Variants in CNTNAP5 observed in about 807,000 individuals in gnomAD.
CNTNAP5 encodes contactin associated protein family member 5.
A neutral mutation model predicts 150.2 loss-of-function variants in CNTNAP5; 72 were observed. The observed-to-expected ratio is 0.48, with a 90% CI of 0.40 to 0.58. CNTNAP5 has a LOEUF of 0.58. Ranked by LOEUF, CNTNAP5 falls within the 20% of genes least tolerant of loss-of-function variation. The probability of loss-of-function intolerance (pLI) is 0.00; values close to 1 mark genes in which losing one functional copy is unlikely to be tolerated. For synonymous variants in CNTNAP5, 672 were observed against 619.8 expected (o/e 1.08, Z -1.25); for missense variants, 1,636 against 1,626.2 (o/e 1.01, Z -0.10).
rs572790352 is a variant in CNTNAP5 at position 124,333,857 on chromosome 2, G to C, written c.382-83586G>C. On this transcript the variant is annotated intron_variant, in intron 3 of 23. Coordinates refer to ENST00000682447, the MANE Select transcript of CNTNAP5 (RefSeq NM_001367498.1). ...AAAATTAAGGACCTAAGCATGCAAA[G>C]AAACAAAACAAATCTGAATTTGCCC... Among the ~76,000 whole-genome samples the C allele has an allele frequency of 2.1e-3, 326 of 152,228 alleles. 1 individual carries two copies. Among genetic ancestry groups the C allele is most frequent in the African/African-American group, 7.6e-3 (315 of 41,540 alleles).
chr2:124,187,330 G>A (rs973634057), intron 1 of CNTNAP5, among the ~76,000 whole-genome samples: 1 of 152,180 alleles, frequency 6.6e-6, no homozygotes, highest in Non-Finnish European at 1.5e-5. Flanking sequence ...AACTATTTAA[G>A]AACTCTCAAC....
intron 8 of CNTNAP5, among the ~76,000 whole-genome samples, chr2:124,504,770 G>A (rs1309072768): frequency 2.8e-5 from 4 of 142,708 alleles, no homozygotes; most frequent in South Asian, 2.2e-4. Context: ...GCAGTGGCTC[G>A]ATCTCAGCTC....
At chr2:124,767,921 T>G (rs550862018) in intron 16 of CNTNAP5, among the ~76,000 whole-genome samples, 1 of 152,344 alleles carries the variant, frequency 6.6e-6, no homozygotes, top group African/African-American at 2.4e-5. Flanking sequence ...GAAGAATCCC[T>G]GCTTTCCAGC....
intron 21 of CNTNAP5, among the ~76,000 whole-genome samples, chr2:124,871,526 C>T (rs113915080): frequency 1.2e-3 from 178 of 152,146 alleles, no homozygotes; most frequent in African/African-American, 4.3e-3. Flanking sequence ...AGGGTTTACA[C>T]TGTGGATATC....
chr2:124,565,183 A>AACTAGTCC (rs1695989136), intron 11 of CNTNAP5, among the ~76,000 whole-genome samples: 1 of 152,250 alleles, frequency 6.6e-6, no homozygotes, highest in Non-Finnish European at 1.5e-5. Flanking sequence ...TTTAGAGAAG[A>AACTAGTCC]ACTAGTCCAC....
chr2:124,338,673 G>T (rs150082962), intron 3 of CNTNAP5, among the ~76,000 whole-genome samples: 1 of 152,198 alleles, frequency 6.6e-6, no homozygotes, highest in African/African-American at 2.4e-5. Flanking sequence ...AATTTCCTCA[G>T]TCAGATAAGG....
At chr2:124,122,147 T>C (rs1187241799) in intron 1 of CNTNAP5, among the ~76,000 whole-genome samples, 1 of 152,120 alleles carries the variant, frequency 6.6e-6, no homozygotes, top group East Asian at 1.9e-4. Context: ...CTGCCACCAT[T>C]TTCTCCTTGA....
At chr2:124,376,444 T>G (rs1394737158) in intron 3 of CNTNAP5, among the ~76,000 whole-genome samples, 1 of 152,060 alleles carries the variant, frequency 6.6e-6, no homozygotes, top group African/African-American at 2.4e-5. Flanking sequence ...TCAGGAAGAA[T>G]AGAAGGTCTC....
At chr2:124,187,653 G>T (rs1685365638) in intron 1 of CNTNAP5, among the ~76,000 whole-genome samples, 1 of 152,150 alleles carries the variant, frequency 6.6e-6, no homozygotes, top group Non-Finnish European at 1.5e-5. Context: ...AACTTCACTG[G>T]TATAAAGTCT....
chr2:124,419,140 CAAAAA>C (rs778863758), intron 4 of CNTNAP5, among the ~76,000 whole-genome samples: 9 of 28,914 alleles, frequency 3.1e-4, no homozygotes, highest in South Asian at 3.3e-3. Context: ...GACTCCTTCT[CAAAAA>C]AAAAAAAAAA....
At chr2:124,120,044 G>A (rs1468108672) in intron 1 of CNTNAP5, among the ~76,000 whole-genome samples, 1 of 152,166 alleles carries the variant, frequency 6.6e-6, no homozygotes, top group Non-Finnish European at 1.5e-5. Context: ...GATATTTAAA[G>A]TCTCCCAAGA....
rs188783498 is a variant in CNTNAP5, at chr2:124,707,946, A to T, written c.2078-39283A>T. ...GCAATGCTTCCAGGATAAAACTTTTAAAAAAAATCACTATCAATGATGTAA... is the reference window on the plus strand; with the variant it reads ...GCAATGCTTCCAGGATAAAACTTTTTAAAAAAATCACTATCAATGATGTAA... On this transcript the variant is annotated intron_variant, in intron 13 of 23. Coordinates refer to ENST00000682447, the MANE Select transcript of CNTNAP5 (RefSeq NM_001367498.1). Among the ~76,000 whole-genome samples the T allele has an allele frequency of 3.0e-3, 461 of 152,196 alleles. 1 individual carries two copies. Among genetic ancestry groups the T allele is most frequent in the African/African-American group, 9.2e-3 (382 of 41,534 alleles).
At chr2:124,402,374 C>T (rs935782392) in intron 3 of CNTNAP5, among the ~76,000 whole-genome samples, 13 of 152,122 alleles carry the variant, frequency 8.5e-5, no homozygotes, top group African/African-American at 3.1e-4. Context: ...CCTTCAGTGT[C>T]CCAGGTACAC....
At chr2:124,741,942 A>G (rs934297974) in intron 13 of CNTNAP5, among the ~76,000 whole-genome samples, 1 of 152,082 alleles carries the variant, frequency 6.6e-6, no homozygotes, top group Non-Finnish European at 1.5e-5. Flanking sequence ...TTGTGGCTCA[A>G]TTGAGATAAT....
At chr2:124,309,155 A>G (rs1316683108) in intron 3 of CNTNAP5, among the ~76,000 whole-genome samples, 2 of 152,214 alleles carry the variant, frequency 1.3e-5, no homozygotes, top group Non-Finnish European at 2.9e-5. Flanking sequence ...ATGACAATAT[A>G]CTGTAATAAA....
At chr2:124,697,952 C>A (rs986535027) in intron 13 of CNTNAP5, among the ~76,000 whole-genome samples, 1 of 151,962 alleles carries the variant, frequency 6.6e-6, no homozygotes, top group African/African-American at 2.4e-5. Flanking sequence ...CACCAAGACC[C>A]AGAGGGGAGA....
intron 13 of CNTNAP5, among the ~76,000 whole-genome samples, chr2:124,730,932 G>A (rs757342248): frequency 3.6e-4 from 55 of 152,100 alleles, no homozygotes; most frequent in Non-Finnish European, 5.9e-4. Context: ...TATTACTATC[G>A]TTATGCTGAT....
intron 1 of CNTNAP5, among the ~76,000 whole-genome samples, chr2:124,172,841 A>G (rs1684967908): frequency 6.6e-6 from 1 of 151,890 alleles, no homozygotes; most frequent in South Asian, 2.1e-4. Flanking sequence ...TTTGCACAGT[A>G]ATATATACAG....
chr2:124,277,481 T>C (rs2104619265), intron 3 of CNTNAP5, among the ~76,000 whole-genome samples: 1 of 152,272 alleles, frequency 6.6e-6, no homozygotes. Flanking sequence ...CTAAACAGTC[T>C]ATAGGTTTAT....
Sources: gnomAD v4.1 joint callset for allele counts (sites outside exome capture counted in the v4.1 genomes callset) on GRCh38, gnomAD v4.1.1 for gene constraint, MANE v1.5 for transcripts, NCBI Gene and HGNC (gene_info 2026-07-23, HGNC 2026-07-21) for gene names.